The following RBFOX1 variants were observed in gnomAD, a reference collection of about 807,000 sequenced individuals.
The protein encoded by RBFOX1 is RNA binding protein fox-1 homolog 1.
Under a neutral mutation model 57.7 loss-of-function variants are expected in RBFOX1, and 8 were observed. The ratio of observed to expected loss-of-function variants is 0.14; its 90% confidence interval spans 0.08 to 0.25. The LOEUF (loss-of-function observed/expected upper bound fraction) is 0.25, where lower values mean the gene tolerates loss of function less well. Ranked by LOEUF, RBFOX1 falls within the 10% of genes least tolerant of loss-of-function variation. The pLI is 1.00. For missense variants in RBFOX1, 611 were observed against 548.5 expected (o/e 1.11, Z -1.14); for synonymous variants, 326 against 222.4 (o/e 1.47, Z -4.15).
At position 6,508,694 on chromosome 16, in the gene RBFOX1, A is replaced by G. The variant is rs186061345; in HGVS notation, c.-63-145909A>G. ...ATGGCAAGGTCATTCCATCCTTTGC[A>G]TCTGCAGTTACTTCATCCTAAAATT... On this transcript the variant is annotated intron_variant, in intron 2 of 15. Coordinates refer to ENST00000550418, the MANE Select transcript of RBFOX1 (RefSeq NM_018723.4). Among the ~76,000 whole-genome samples, 90 of 152,186 alleles carry G rather than the reference A, an allele frequency of 5.9e-4. No individual in the cohort carries two copies. In the East Asian group the frequency reaches 0.016, roughly 27 times the overall value.
At position 6,867,067 on chromosome 16, in the gene RBFOX1, T is replaced by G. The variant is rs146395799; in HGVS notation, c.-15-184990T>G. ...TCTTGCTATTATTATGAGTTTGTAT[T>G]TAAAAATTTCATTCTAACCAGCAAG... is the stretch of plus-strand genomic sequence containing the variant. On this transcript the variant is annotated intron_variant, in intron 3 of 15. Coordinates refer to ENST00000550418, the MANE Select transcript of RBFOX1 (RefSeq NM_018723.4). 6.2e-3 allele frequency among the ~76,000 whole-genome samples: 936 copies of G among 152,042 alleles called. 14 individuals carry two copies. Among genetic ancestry groups the G allele is most frequent in the African/African-American group, 0.021 (887 of 41,480 alleles).
At chr16:6,362,497 G>C (rs963732219) in intron 2 of RBFOX1, among the ~76,000 whole-genome samples, 1 of 152,212 alleles carries the variant, frequency 6.6e-6, no homozygotes, top group Non-Finnish European at 1.5e-5. Context: ...TATGTCATCT[G>C]TTGGCACTGG....
chr16:5,314,145 C>T (rs1351757581), intron 1 of RBFOX1, among the ~76,000 whole-genome samples: 1 of 152,198 alleles, frequency 6.6e-6, no homozygotes, highest in Non-Finnish European at 1.5e-5. Context: ...TTATCTATCC[C>T]CACTTGCATA....
intron 4 of RBFOX1, among the ~76,000 whole-genome samples, chr16:7,101,235 A>G (rs1341910695): frequency 6.6e-6 from 1 of 152,206 alleles, no homozygotes; most frequent in Non-Finnish European, 1.5e-5. Flanking sequence ...ATTCTGCACC[A>G]GCGTGGCATA....
chr16:7,503,810 C>A (rs1216241345), intron 4 of RBFOX1, among the ~76,000 whole-genome samples: 1 of 152,102 alleles, frequency 6.6e-6, no homozygotes, highest in Non-Finnish European at 1.5e-5. Context: ...TCTGCTTGTC[C>A]ATATGCCCTT....
At chr16:5,389,593 T>C (rs912534745) in intron 1 of RBFOX1, among the ~76,000 whole-genome samples, 9 of 152,300 alleles carry the variant, frequency 5.9e-5, no homozygotes, top group Middle Eastern at 3.4e-3. Flanking sequence ...TCCCTTCTTT[T>C]TTTCTCTCTG....
chr16:5,945,210 A>G (rs116907285), intron 4 of RBFOX1, among the ~76,000 whole-genome samples: 5,641 of 152,120 alleles, frequency 0.037, 149 homozygotes, highest in Non-Finnish European at 0.054. Flanking sequence ...GAAGTGAACA[A>G]CTCAGATAAA....
At chr16:5,441,066 C>T (rs1451264519) in intron 1 of RBFOX1, among the ~76,000 whole-genome samples, 1 of 152,152 alleles carries the variant, frequency 6.6e-6, no homozygotes, top group East Asian at 1.9e-4. Context: ...GGTCACAGTG[C>T]CTTGACTTGG....
At chr16:6,775,066 C>G (rs541543957) in intron 3 of RBFOX1, among the ~76,000 whole-genome samples, 16 of 151,668 alleles carry the variant, frequency 1.1e-4, no homozygotes, top group African/African-American at 3.9e-4. Flanking sequence ...TGGCTCACGC[C>G]TGTAATCCCA....
chr16:7,224,281 C>G (rs1016766541), intron 4 of RBFOX1, among the ~76,000 whole-genome samples: 2 of 151,940 alleles, frequency 1.3e-5, no homozygotes, highest in Non-Finnish European at 2.9e-5. Context: ...CAGTTATGGA[C>G]AGTGTTTCTC....
chr16:6,828,321 C>G (rs1485137996), intron 3 of RBFOX1, among the ~76,000 whole-genome samples: 1 of 151,964 alleles, frequency 6.6e-6, no homozygotes, highest in Non-Finnish European at 1.5e-5. Flanking sequence ...GTGAAGAGAT[C>G]AGGAGCATCG....
At chr16:5,334,189 A>G (rs1205944536) in intron 1 of RBFOX1, among the ~76,000 whole-genome samples, 2 of 151,956 alleles carry the variant, frequency 1.3e-5, no homozygotes, top group Non-Finnish European at 2.9e-5. Context: ...AGAGGGGAGG[A>G]TATCTTGGGG....
rs141301157 is a variant in RBFOX1, at chr16:5,370,288, C to T, written c.220-96928C>T. 4.5e-4 allele frequency among the ~76,000 whole-genome samples: 69 copies of T among 152,122 alleles called. 1 individual carries two copies. The highest frequency in any genetic ancestry group is 1.4e-3 in the African/African-American group (57 of 41,486). On this transcript the variant is annotated intron_variant, in intron 1 of 2. Coordinates refer to the RBFOX1 transcript ENST00000585867. Reference sequence around the variant, plus strand: ...GACTTGTAACAGACAAGCCCCCAAGCGTGAGATCTAGACGGCATCTCCATG... The same window carrying T: ...GACTTGTAACAGACAAGCCCCCAAGTGTGAGATCTAGACGGCATCTCCATG...
intron 4 of RBFOX1, among the ~76,000 whole-genome samples, chr16:7,204,222 C>G (rs549903813): frequency 3.3e-5 from 5 of 152,328 alleles, no homozygotes; most frequent in South Asian, 2.1e-4. Context: ...CATCCTACCT[C>G]TCATCTCTTG....
At chr16:6,888,362 T>C (rs1310586085) in intron 3 of RBFOX1, among the ~76,000 whole-genome samples, 1 of 152,192 alleles carries the variant, frequency 6.6e-6, no homozygotes, top group Non-Finnish European at 1.5e-5. Context: ...GAAAACTTTT[T>C]CGTTTTTTTG....
At chr16:7,344,220 G>C (rs942350609) in intron 4 of RBFOX1, among the ~76,000 whole-genome samples, 3 of 148,468 alleles carry the variant, frequency 2.0e-5, no homozygotes, top group African/African-American at 5.0e-5. Flanking sequence ...CTCTTCTGTA[G>C]GACAGGGATA....
intron 2 of RBFOX1, among the ~76,000 whole-genome samples, chr16:6,542,694 G>C (rs572336779): frequency 6.6e-6 from 1 of 151,784 alleles, no homozygotes; most frequent in African/African-American, 2.4e-5. Flanking sequence ...GGGTTTCACT[G>C]TGTTAGCCAG....
chr16:5,679,104 A>G lies in RBFOX1; in HGVS notation c.318+80143A>G, dbSNP rs932361860. ...ATTACTCCATTTATGCCTTGTTGCA[A>G]TACATAGCTGTTCAGCTAATTGGCA... On this transcript the variant is annotated intron_variant, in intron 3 of 19. Coordinates refer to the RBFOX1 transcript ENST00000641259. Among the ~76,000 whole-genome samples, 3 of 152,202 alleles carry G rather than the reference A, an allele frequency of 2.0e-5. 1 individual carries two copies. The South Asian group carries it at 6.2e-4, about 32-fold the overall frequency.
intron 9 of RBFOX1, among the ~76,000 whole-genome samples, chr16:7,605,964 T>G (rs1035158450): frequency 1.3e-5 from 2 of 151,830 alleles, no homozygotes; most frequent in Non-Finnish European, 1.5e-5. Context: ...TCAGCCTGAT[T>G]AGTTGTTACT....
Sources: gnomAD v4.1 joint callset for allele counts (sites outside exome capture counted in the v4.1 genomes callset) on GRCh38, gnomAD v4.1.1 for gene constraint, MANE v1.5 for transcripts, NCBI Gene and HGNC (gene_info 2026-07-23, HGNC 2026-07-21) for gene names.